C17orf78: variants seen among roughly 807,000 people sequenced by gnomAD.
C17orf78 encodes uncharacterized protein C17orf78.
In C17orf78, 27 loss-of-function variants were observed where a neutral mutation model predicts 31.8. The ratio of observed to expected loss-of-function variants is 0.85; its 90% CI spans 0.63 to 1.17. C17orf78 has a LOEUF of 1.17. C17orf78 is among the 50% of genes most tolerant of loss of function. The pLI is 0.00. For missense variants in C17orf78, 258 were observed against 315.2 expected (o/e 0.82, Z 1.37); for synonymous variants, 106 against 115.1 (o/e 0.92, Z 0.51).
chr17:37,376,192 G>C, intron 1 of C17orf78, 42 bp downstream of exon 1: 1 of 1,543,776 alleles, frequency 6.5e-7, no homozygotes, highest in Non-Finnish European at 9.0e-7. Context: ...AATACAGAGA[G>C]AGGCCTAGAA....
chr17:37,381,606 T>C (rs2050262764), intron 3 of C17orf78, among the ~76,000 whole-genome samples: 2 of 151,300 alleles, frequency 1.3e-5, no homozygotes, highest in African/African-American at 2.4e-5. Context: ...CATTATTCCA[T>C]AGTATGTCTC....
rs140365002 is a variant in C17orf78, at chr17:37,377,659, CAATAAATAAATAAATAAATAAATA to C, written c.59-197_59-174del. ...TGGGCGACAGAGTGAGACTCCGTCT[CAATAAATAAATAAATAAATAAATA>C]AATAAATAAATAAATAAATAAAAGT... On this transcript the variant is annotated intron_variant, in intron 1 of 6. Transcript: ENST00000615133. Among the ~76,000 whole-genome samples the C allele has an allele frequency of 4.7e-3, 676 of 143,634 alleles. 6 individuals carry two copies. Among genetic ancestry groups the C allele is most frequent in the African/African-American group, 0.017 (641 of 38,780 alleles). The allele number at this position is 143,634 out of a possible 152,430, so 94.2% of individuals were successfully genotyped here.
intron 3 of C17orf78, among the ~76,000 whole-genome samples, chr17:37,382,818 C>T (rs986769452): frequency 2.6e-5 from 4 of 152,154 alleles, no homozygotes; most frequent in African/African-American, 9.7e-5. Flanking sequence ...TGAGATCACG[C>T]CACTGCACTC....
intron 1 of C17orf78, among the ~76,000 whole-genome samples, chr17:37,377,576 C>T (rs1244550609): frequency 6.6e-6 from 1 of 151,914 alleles, no homozygotes; most frequent in Non-Finnish European, 1.5e-5. Context: ...AGAAGAATCC[C>T]TTGAACCCAG....
At chr17:37,385,583 T>C (rs573416374) in intron 3 of C17orf78, among the ~76,000 whole-genome samples, 71 of 152,226 alleles carry the variant, frequency 4.7e-4, no homozygotes, top group Admixed American at 3.4e-3. Flanking sequence ...GAGTAGTTGA[T>C]CTAGATTCTA....
chr17:37,390,482 T>C (rs2147806379), intron 6 of C17orf78, among the ~76,000 whole-genome samples: 1 of 146,256 alleles, frequency 6.8e-6, no homozygotes, highest in South Asian at 2.2e-4. Flanking sequence ...CAAAAATTGG[T>C]GGGGCATGGT....
intron 6 of C17orf78, among the ~76,000 whole-genome samples, chr17:37,390,253 T>TTA (rs1342706620): frequency 6.0e-4 from 21 of 35,086 alleles, no homozygotes. Context: ...TATATATATA[T>TTA]TATATATAAT....
chr17:37,383,639 C>T (rs1197323876), intron 3 of C17orf78, among the ~76,000 whole-genome samples: 2 of 152,214 alleles, frequency 1.3e-5, no homozygotes, highest in African/African-American at 4.8e-5. Flanking sequence ...CCTCCGCCTC[C>T]CAGGTTCAAG....
intron 1 of C17orf78, 45 bp from the exon 2 acceptor site, chr17:37,377,834 C>T: frequency 6.6e-7 from 1 of 1,519,638 alleles, no homozygotes; most frequent in Non-Finnish European, 9.1e-7. Context: ...CTGATTTTCC[C>T]CAAACCTTCC....
chr17:37,390,455 T>A (rs1326798749), intron 6 of C17orf78, among the ~76,000 whole-genome samples: 2 of 144,774 alleles, frequency 1.4e-5, no homozygotes, highest in Non-Finnish European at 3.0e-5. Flanking sequence ...GGTGAAACCC[T>A]GTCTCTACTA....
intron 6 of C17orf78, among the ~76,000 whole-genome samples, chr17:37,390,348 G>C: frequency 1.7e-5 from 1 of 57,204 alleles, no homozygotes; most frequent in Admixed American, 2.4e-4. Context: ...GGCCAGCTGG[G>C]CCGGGCACGG....
intron 4 of C17orf78, chr17:37,387,828 T>C (rs1476657576): frequency 2.0e-5 from 3 of 152,118 alleles, no homozygotes; most frequent in Admixed American, 2.0e-4. Context: ...GGTTACATCC[T>C]AGTTTCTACC....
rs373836905 is a variant in C17orf78 at position 37,390,506 on chromosome 17, A to G, written c.751-1141A>G. 1.1e-4 allele frequency among the ~76,000 whole-genome samples: 17 copies of G among 148,382 alleles called. No individual in the cohort carries two copies. In the East Asian group the frequency reaches 2.0e-3, roughly 18 times the overall value. On this transcript the variant is annotated intron_variant, in intron 6 of 6. Coordinates refer to ENST00000615133, the MANE Select transcript of C17orf78 (RefSeq NM_173625.5). ...GTGGGGCATGGTGGTGTGCACCCGT[A>G]GTCCCAGCTACTCGGGAGGCTGAGG...
intron 3 of C17orf78, among the ~76,000 whole-genome samples, chr17:37,382,048 CT>C (rs1403267024): frequency 1.3e-5 from 2 of 151,928 alleles, no homozygotes; most frequent in Non-Finnish European, 2.9e-5. Context: ...TCTCTTTTTT[CT>C]TTTAATAAAT....
rs918914289 is a variant in C17orf78, at chr17:37,386,084, T to C, written c.467T>C (p.Ile156Thr). 1 of 1,600,562 alleles carries C rather than the reference T, an allele frequency of 6.2e-7. No homozygotes were observed. The highest frequency in any genetic ancestry group is 1.3e-5 in the African/African-American group (1 of 74,682). Residue 156 changes from isoleucine to threonine, a missense_variant, in exon 4 of 7, where the codon ATA becomes ACA. Physicochemically the swap from Ile to Thr is moderately conservative, Grantham distance 89. Coordinates refer to ENST00000615133, the MANE Select transcript of C17orf78 (RefSeq NM_173625.5). ...SETFPTTAPS[I>T]TPGNKEGEKT... ...ACTTTTCCCACCACTGCCCCTTCTA[T>C]AACTCCTGGGAATAAAGAAGGAGAG...
Position 37,390,330 on chromosome 17 carries a change from A to ATATATATATATATATATATATATATC in C17orf78, c.750+972_750+973insTATATATATATATATATATATCTATA, listed in dbSNP as rs1386032855. ...TATATATATATATATATATATATAT[A>ATATATATATATATATATATATATATC]TATAAAAGGCCAGCTGGGCCGGGCA... is the stretch of plus-strand genomic sequence containing the variant. On this transcript the variant is annotated intron_variant, in intron 6 of 6. Coordinates refer to ENST00000615133, the MANE Select transcript of C17orf78 (RefSeq NM_173625.5). Among the ~76,000 whole-genome samples the ATATATATATATATATATATATATATC allele has an allele frequency of 2.0e-3, 82 of 41,454 alleles. 2 individuals are homozygous for ATATATATATATATATATATATATATC. Among genetic ancestry groups the ATATATATATATATATATATATATATC allele is most frequent in the Admixed American group, 3.0e-3 (6 of 1,994 alleles). The allele number at this position is 41,454 out of a possible 152,430, so 27.2% of individuals were successfully genotyped here. A position where few individuals can be genotyped will look rare whatever the true frequency, so the allele number is the denominator to read the frequency against.
In C17orf78 at chr17:37,391,816, T is replaced by A; in HGVS notation, c.*92T>A. 8.9e-7 allele frequency: 1 copy of A among 1,124,500 alleles called. No homozygotes were observed. 69.7% of individuals were successfully genotyped at this position (1,124,500 alleles called of 1,614,324 possible). ...TTCTTGCCAATTTCACACTTGTATC[T>A]TCAGCAGGGACATTACAATCAAACA... On this transcript the variant is annotated 3_prime_UTR_variant, in exon 7 of 7. Transcript: ENST00000615133.
chr17:37,390,330 A>ATATC (rs1555672373), intron 6 of C17orf78, among the ~76,000 whole-genome samples: 595 of 41,566 alleles, frequency 0.014, 93 homozygotes, highest in South Asian at 0.037. Flanking sequence ...ATATATATAT[A>ATATC]TATAAAAGGC....
intron 3 of C17orf78, among the ~76,000 whole-genome samples, chr17:37,381,852 C>T (rs972729668): frequency 2.0e-5 from 3 of 151,850 alleles, no homozygotes; most frequent in Non-Finnish European, 2.9e-5. Context: ...TGGTCTCGAT[C>T]GCCTGACCTT....
Sources: allele counts gnomAD v4.1 joint callset (sites outside exome capture counted in the v4.1 genomes callset), GRCh38; gene constraint gnomAD v4.1.1; transcripts MANE v1.5; gene names NCBI Gene and HGNC (gene_info 2026-07-23, HGNC 2026-07-21).